RANBP17: variants seen among roughly 807,000 people sequenced by gnomAD.
RANBP17 encodes the protein RAN binding protein 17, also known as ran-binding protein 17.
A neutral mutation model predicts 141.2 loss-of-function variants in RANBP17; 158 were observed. The observed-to-expected ratio is 1.12, with a 90% CI of 0.98 to 1.28. RANBP17 has a LOEUF of 1.28. Ranked by LOEUF, RANBP17 falls within the 50% of genes most tolerant of loss-of-function variation. The pLI is 0.00. For synonymous variants in RANBP17, 430 were observed against 450.0 expected (o/e 0.96, Z 0.56); for missense variants, 1,438 against 1,290.7 (o/e 1.11, Z -1.75).
chr5:171,170,208 G>T lies in RANBP17; in HGVS notation c.1784+5G>T. ...AGAGACGTTCATGACAAAAATGTGA[G>T]TTCTTGTTTTGGTCTTTAATTTTTC... On this transcript the variant is annotated splice_donor_5th_base_variant and intron_variant, in intron 15 of 27. Coordinates refer to ENST00000523189, the MANE Select transcript of RANBP17 (RefSeq NM_022897.5). 1.3e-6 allele frequency: 2 copies of T among 1,527,812 alleles called. No homozygotes were observed. Among genetic ancestry groups the T allele is most frequent in the South Asian group, 1.3e-5 (1 of 77,568 alleles). The allele number at this position is 1,527,812 out of a possible 1,614,324, so 94.6% of individuals were successfully genotyped here. A position where few individuals can be genotyped will look rare whatever the true frequency, so the allele number is the denominator to read the frequency against.
At chr5:171,015,707 G>T (rs1448664816) in intron 14 of RANBP17, among the ~76,000 whole-genome samples, 2 of 151,896 alleles carry the variant, frequency 1.3e-5, no homozygotes, top group Non-Finnish European at 1.5e-5. Context: ...AAATTACTTG[G>T]AAACAGTGTG....
rs33975152 is a variant in RANBP17 at position 170,885,868 on chromosome 5, CTT to C, written c.256+3986_256+3987del. 2.1e-3 allele frequency among the ~76,000 whole-genome samples: 297 copies of C among 139,302 alleles called. 1 individual carries two copies. The highest frequency in any genetic ancestry group is 3.8e-3 in the Middle Eastern group (1 of 266). The allele number at this position is 139,302 out of a possible 152,430, so 91.4% of individuals were successfully genotyped here. ...TATCTTGAAACCCTTCACTCTCCACCTTTTTTTTTTTTTTTGCCACATCCACA... is the reference window on the plus strand; with the variant it reads ...TATCTTGAAACCCTTCACTCTCCACCTTTTTTTTTTTTTGCCACATCCACA... On this transcript the variant is annotated intron_variant, in intron 3 of 27. Transcript: ENST00000523189.
intron 22 of RANBP17, among the ~76,000 whole-genome samples, chr5:171,222,717 A>C (rs1480868804): frequency 6.6e-6 from 1 of 152,126 alleles, no homozygotes; most frequent in Non-Finnish European, 1.5e-5. Context: ...TGCAACATCC[A>C]CATCCCAGGC....
rs184414885 is a variant in RANBP17 at position 171,195,270 on chromosome 5, A to T, written c.2039-4400A>T. On this transcript the variant is annotated intron_variant, in intron 18 of 27. Coordinates refer to ENST00000523189, the MANE Select transcript of RANBP17 (RefSeq NM_022897.5). ...ATACATTTGGAACACTAAATATATG[A>T]CTACATACTTGAATATGAAGTTGTA... 3.4e-3 allele frequency among the ~76,000 whole-genome samples: 522 copies of T among 152,358 alleles called. 5 individuals carry two copies. Among genetic ancestry groups the T allele is most frequent in the Non-Finnish European group, 5.5e-3 (377 of 68,038 alleles).
rs193202166 is a variant in RANBP17 at position 171,181,882 on chromosome 5, C to G, written c.1866-1285C>G. Among the ~76,000 whole-genome samples, 44 of 152,340 alleles carry G rather than the reference C, an allele frequency of 2.9e-4. No individual in the cohort carries two copies. The Middle Eastern group carries it at 0.01, about 35-fold the overall frequency. ...AAAGACATTTGCATTATCTGATCCT[C>G]AAAACAATCCTGTAAGGTAGCTTGG... On this transcript the variant is annotated intron_variant, in intron 16 of 27. Transcript: ENST00000523189.
intron 14 of RANBP17, among the ~76,000 whole-genome samples, chr5:170,995,806 A>G (rs948804235): frequency 7.2e-5 from 11 of 152,256 alleles, no homozygotes; most frequent in Admixed American, 5.2e-4. Context: ...GGAGGGGGTG[A>G]ACAAATTATA....
chr5:170,912,530 A>G (rs114780799), intron 7 of RANBP17, among the ~76,000 whole-genome samples: 45 of 152,102 alleles, frequency 3.0e-4, no homozygotes, highest in African/African-American at 1.1e-3. Flanking sequence ...ATATGCCCAG[A>G]GAGATGTTGA....
At chr5:171,243,644 G>T (rs1373935413) in intron 24 of RANBP17, among the ~76,000 whole-genome samples, 1 of 152,170 alleles carries the variant, frequency 6.6e-6, no homozygotes, top group Non-Finnish European at 1.5e-5. Context: ...GTCACCAACA[G>T]TATATGAGGA....
intron 1 of RANBP17, among the ~76,000 whole-genome samples, chr5:170,870,365 C>G (rs1375829612): frequency 1.3e-5 from 2 of 151,712 alleles, no homozygotes; most frequent in African/African-American, 2.4e-5. Flanking sequence ...TGCTCTCTCT[C>G]CCTCCCCTCA....
chr5:171,169,378 CT>C (rs1209408690), intron 14 of RANBP17, among the ~76,000 whole-genome samples: 1 of 152,134 alleles, frequency 6.6e-6, no homozygotes, highest in African/African-American at 2.4e-5. Flanking sequence ...CACCTCTCAG[CT>C]TTGCCAGGCT....
chr5:170,943,443 A>G (rs931205918), intron 12 of RANBP17, among the ~76,000 whole-genome samples: 2 of 152,152 alleles, frequency 1.3e-5, no homozygotes, highest in Non-Finnish European at 1.5e-5. Flanking sequence ...CTTGTGATCT[A>G]TGGTAATGAC....
intron 13 of RANBP17, among the ~76,000 whole-genome samples, chr5:170,963,370 A>G (rs1776284400): frequency 6.6e-6 from 1 of 152,242 alleles, no homozygotes; most frequent in African/African-American, 2.4e-5. Flanking sequence ...AAGAATCACA[A>G]AAATACCTGA....
chr5:171,274,907 A>G (rs1767394333), intron 25 of RANBP17, among the ~76,000 whole-genome samples: 1 of 152,216 alleles, frequency 6.6e-6, no homozygotes. Flanking sequence ...TATTCTAAAC[A>G]TGGGTGAAGA....
At chr5:171,032,740 C>T (rs959480761) in intron 14 of RANBP17, among the ~76,000 whole-genome samples, 3 of 152,104 alleles carry the variant, frequency 2.0e-5, no homozygotes, top group Non-Finnish European at 4.4e-5. Context: ...GCCCATCATA[C>T]ATCATTACTG....
rs1764358666 is a variant in RANBP17 at position 171,233,831 on chromosome 5, T to C, written c.2423-7097T>C. On this transcript the variant is annotated intron_variant, in intron 22 of 27. Transcript: ENST00000523189. ...GGTGGATGCATATTCATTATACATT[T>C]GTCCAAACCCATAAAAGGTACACCA... Among the ~76,000 whole-genome samples the C allele has an allele frequency of 2.6e-5, 4 of 152,302 alleles. No individual in the cohort carries two copies. The South Asian group carries it at 8.3e-4, about 32-fold the overall frequency.
intron 12 of RANBP17, among the ~76,000 whole-genome samples, chr5:170,952,333 T>G (rs1023537809): frequency 5.3e-5 from 8 of 152,080 alleles, no homozygotes; most frequent in Non-Finnish European, 1.2e-4. Context: ...CTCTCCTACT[T>G]AATCTATTTC....
intron 22 of RANBP17, 69 bp downstream of exon 22, chr5:171,221,909 G>A: frequency 1.0e-6 from 1 of 993,532 alleles, no homozygotes; most frequent in African/African-American, 1.6e-5. Context: ...AAAGATGTTA[G>A]TTATTTTGTT....
chr5:170,908,282 C>T (rs1004130915), intron 5 of RANBP17, among the ~76,000 whole-genome samples: 11 of 151,746 alleles, frequency 7.2e-5, no homozygotes, highest in East Asian at 1.9e-4. Context: ...TACCCATTGA[C>T]GGTGGATTGG....
intron 14 of RANBP17, among the ~76,000 whole-genome samples, chr5:171,050,575 C>T (rs1002015962): frequency 8.5e-5 from 13 of 152,098 alleles, no homozygotes; most frequent in African/African-American, 1.2e-4. Context: ...GGCATTGTGA[C>T]GTGTGCCTGT....
Sources: allele counts gnomAD v4.1 joint callset (sites outside exome capture counted in the v4.1 genomes callset), GRCh38; gene constraint gnomAD v4.1.1; transcripts MANE v1.5; gene names NCBI Gene and HGNC (gene_info 2026-07-23, HGNC 2026-07-21).